DPP10: variants seen among roughly 807,000 people sequenced by gnomAD.
DPP10 encodes the protein inactive dipeptidyl peptidase 10.
In DPP10, 33 loss-of-function variants were observed where a neutral mutation model predicts 120.9. The observed-to-expected ratio is 0.27, with a 90% CI of 0.21 to 0.37. The LOEUF is 0.37. Among genes scored for constraint, DPP10 ranks in the 10% least tolerant of loss-of-function variants. The pLI is 1.00. For synonymous variants in DPP10, 337 were observed against 326.1 expected (o/e 1.03, Z -0.36); for missense variants, 816 against 942.8 (o/e 0.87, Z 1.76).
rs57462947 is a variant in DPP10 at position 115,207,416 on chromosome 2, CAAAAAAAAAAA to C, written c.61-101803_61-101793del. 5.4e-3 allele frequency among the ~76,000 whole-genome samples: 280 copies of C among 52,292 alleles called. 2 individuals carry two copies. Among genetic ancestry groups the C allele is most frequent in the Admixed American group, 0.011 (50 of 4,450 alleles). The allele number at this position is 52,292 out of a possible 152,430, so 34.3% of individuals were successfully genotyped here. On this transcript the variant is annotated intron_variant, in intron 1 of 25. Coordinates refer to ENST00000410059, the MANE Select transcript of DPP10 (RefSeq NM_020868.6). ...GGTTTTTAAAGAGTGCTTACTGCAC[CAAAAAAAAAAA>C]AAAAAAAAAAAAAAAAAAAGCTTTC...
At chr2:114,852,634 G>A (rs6718412) in intron 1 of DPP10, among the ~76,000 whole-genome samples, 1,532 of 152,060 alleles carry the variant, frequency 0.01, 31 homozygotes, top group African/African-American at 0.034. Flanking sequence ...GGCGGGGGCG[G>A]GGGTCTGAAA....
chr2:114,903,084 G>A (rs1016873127), intron 1 of DPP10, among the ~76,000 whole-genome samples: 2 of 152,042 alleles, frequency 1.3e-5, no homozygotes, highest in Admixed American at 6.6e-5. Context: ...CTTTCATGTA[G>A]TAATATACAT....
intron 1 of DPP10, among the ~76,000 whole-genome samples, chr2:114,532,338 C>A (rs559973123): frequency 2.7e-5 from 4 of 146,354 alleles, no homozygotes; most frequent in African/African-American, 1.0e-4. Context: ...ATATATATCT[C>A]TCTATATATA....
In DPP10 at chr2:115,306,195, A is replaced by T. The variant is rs374117221; in HGVS notation, c.61-3044A>T. 4.6e-5 allele frequency among the ~76,000 whole-genome samples: 7 copies of T among 152,142 alleles called. No individual in the cohort carries two copies. In the East Asian group the frequency reaches 9.7e-4, roughly 21 times the overall value. ...CTTACTGGTACAGTGTATTTTAGGC[A>T]CTTTTCTTTCCAGAGAAAGGAAAGT... On this transcript the variant is annotated intron_variant, in intron 1 of 25. Coordinates refer to ENST00000410059, the MANE Select transcript of DPP10 (RefSeq NM_020868.6).
chr2:115,419,846 A>G (rs1380720318), intron 3 of DPP10, among the ~76,000 whole-genome samples: 5 of 152,190 alleles, frequency 3.3e-5, no homozygotes, highest in African/African-American at 1.2e-4. Flanking sequence ...TCCTGGTGAT[A>G]TTTAAAATTA....
chr2:115,064,271 G>T (rs908910752), intron 1 of DPP10, among the ~76,000 whole-genome samples: 24 of 152,118 alleles, frequency 1.6e-4, no homozygotes, highest in Non-Finnish European at 7.4e-5. Flanking sequence ...GGAGCCTGTG[G>T]CAAAGGCTGG....
At chr2:115,007,896 A>G (rs1272986093) in intron 1 of DPP10, among the ~76,000 whole-genome samples, 2 of 152,014 alleles carry the variant, frequency 1.3e-5, no homozygotes, top group Non-Finnish European at 2.9e-5. Context: ...CTTCAAGGAG[A>G]ACTAGAAACC....
chr2:114,917,059 C>G (rs1443404829), intron 1 of DPP10, among the ~76,000 whole-genome samples: 3 of 152,182 alleles, frequency 2.0e-5, no homozygotes, highest in African/African-American at 7.2e-5. Flanking sequence ...TGATTCTATA[C>G]TTACTAATTT....
chr2:115,447,709 C>T (rs891720385), intron 3 of DPP10, among the ~76,000 whole-genome samples: 4 of 152,206 alleles, frequency 2.6e-5, no homozygotes, highest in Admixed American at 2.0e-4. Context: ...TTCTCCTCAT[C>T]TTCTGCCATG....
At chr2:115,470,034 T>A (rs533867396) in intron 3 of DPP10, among the ~76,000 whole-genome samples, 311 of 152,334 alleles carry the variant, frequency 2.0e-3, no homozygotes, top group Middle Eastern at 3.4e-3. Flanking sequence ...GAAGAATCCT[T>A]GCTAAATAGA....
chr2:114,735,628 G>A (rs180870539), intron 1 of DPP10, among the ~76,000 whole-genome samples: 205 of 152,054 alleles, frequency 1.3e-3, no homozygotes, highest in African/African-American at 4.2e-3. Flanking sequence ...ACAATCAGGC[G>A]TCACCCTCAA....
At chr2:115,666,755 A>G (rs9653428) in intron 5 of DPP10, among the ~76,000 whole-genome samples, 8,174 of 152,158 alleles carry the variant, frequency 0.054, 735 homozygotes, top group African/African-American at 0.19. Context: ...ACAATTTATA[A>G]TCTTTTGGGT....
chr2:114,881,610 A>G lies in DPP10; in HGVS notation c.61-427629A>G, dbSNP rs370335948. 7.2e-4 allele frequency among the ~76,000 whole-genome samples: 108 copies of G among 150,560 alleles called. No homozygotes were observed. The Middle Eastern group carries it at 0.017, about 24-fold the overall frequency. ...TGTCTGTCTGTCTGTCTATCTATCT[A>G]TCTATCTATCTATCTATCTATCTAT... On this transcript the variant is annotated intron_variant, in intron 1 of 25. Transcript: ENST00000410059.
chr2:115,776,911 A>T (rs551420358), intron 13 of DPP10, among the ~76,000 whole-genome samples: 3 of 152,148 alleles, frequency 2.0e-5, no homozygotes, highest in African/African-American at 7.2e-5. Flanking sequence ...TTTACATGAG[A>T]GTGATTAAAG....
chr2:115,708,041 A>C (rs1313910340), intron 7 of DPP10, among the ~76,000 whole-genome samples: 1 of 151,998 alleles, frequency 6.6e-6, no homozygotes, highest in African/African-American at 2.4e-5. Flanking sequence ...TCTGAAGTGT[A>C]TGTCAGCAGC....
At chr2:115,169,449 A>G (rs2053147733) in intron 1 of DPP10, among the ~76,000 whole-genome samples, 1 of 152,036 alleles carries the variant, frequency 6.6e-6, no homozygotes, top group Admixed American at 6.5e-5. Flanking sequence ...ACACACACAT[A>G]TATATATATT....
intron 1 of DPP10, among the ~76,000 whole-genome samples, chr2:115,284,617 G>C (rs986878137): frequency 6.6e-6 from 1 of 151,994 alleles, no homozygotes; most frequent in Non-Finnish European, 1.5e-5. Flanking sequence ...TCTTATTGCT[G>C]TTGTTAGGAG....
intron 1 of DPP10, among the ~76,000 whole-genome samples, chr2:114,543,834 G>A (rs895905134): frequency 6.6e-6 from 1 of 150,788 alleles, no homozygotes; most frequent in Admixed American, 6.6e-5. Context: ...CTAGACTTTT[G>A]GCCTATCTCA....
At position 115,149,692 on chromosome 2, in the gene DPP10, C is replaced by CTGTT. The variant is rs781673813; in HGVS notation, c.61-159529_61-159526dup. On this transcript the variant is annotated intron_variant, in intron 1 of 25. Transcript: ENST00000410059. ...TTCTAAGAAATTCTGTTTTGTTTGT[C>CTGTT]TGTTTGTTTGTTTGTTTGTTTTAAC... Among the ~76,000 whole-genome samples, 24 of 152,130 alleles carry CTGTT rather than the reference C, an allele frequency of 1.6e-4. No homozygotes were observed. In the East Asian group the frequency reaches 1.7e-3, roughly 11 times the overall value.
Sources: gnomAD v4.1 joint callset for allele counts (sites outside exome capture counted in the v4.1 genomes callset) on GRCh38, gnomAD v4.1.1 for gene constraint, MANE v1.5 for transcripts, NCBI Gene and HGNC (gene_info 2026-07-23, HGNC 2026-07-21) for gene names.